RABL6: variants seen among roughly 807,000 people sequenced by gnomAD.
The protein encoded by RABL6 is RAB, member RAS oncogene family like 6, also known as rab-like protein 6.
RABL6 carries 28 observed loss-of-function variants against 72.9 expected under a neutral mutation model. That is an observed-to-expected ratio of 0.38 (90% CI 0.28 to 0.53). RABL6 has a LOEUF of 0.53. Among genes scored for constraint, RABL6 ranks in the 20% least tolerant of loss-of-function variants. The probability of loss-of-function intolerance (pLI) is 0.80; values close to 1 mark genes in which losing one functional copy is unlikely to be tolerated. For missense variants in RABL6, 1,029 were observed against 1,008.4 expected (o/e 1.02, Z -0.28); for synonymous variants, 477 against 421.2 (o/e 1.13, Z -1.62).
chr9:136,812,184 T>A (rs1223910832), intron 1 of RABL6, among the ~76,000 whole-genome samples: 1 of 152,176 alleles, frequency 6.6e-6, no homozygotes, highest in African/African-American at 2.4e-5. Context: ...TGAGCATTAT[T>A]GTGCAGCTCT....
rs757107149 is a variant in RABL6 at position 136,840,609 on chromosome 9, C to A, written c.*87C>A. ...TTTGCCTCTGTACCATCGCCTTTGC[C>A]GCTGCCCCGTGGCTGCCGTGTGCGC... On this transcript the variant is annotated 3_prime_UTR_variant, in exon 15 of 15. Transcript: ENST00000311502. 6.5e-7 allele frequency: 1 copy of A among 1,549,616 alleles called. No individual in the cohort carries two copies. The highest frequency in any genetic ancestry group is 8.7e-7 in the Non-Finnish European group (1 of 1,146,854).
At position 136,839,798 on chromosome 9, in the gene RABL6, G is replaced by A; in HGVS notation, c.1863G>A (p.Leu621=). The A allele has an allele frequency of 6.2e-7, 1 of 1,612,862 alleles. No homozygotes were observed. Among genetic ancestry groups the A allele is most frequent in the Non-Finnish European group, 8.5e-7 (1 of 1,179,830 alleles). The change falls in exon 13 of 15, where the codon CTG becomes CTA. Residue 621 remains leucine (L), a synonymous_variant. Coordinates refer to ENST00000311502, the MANE Select transcript of RABL6 (RefSeq NM_024718.5). ...PPKLPLPAFR[L]KNDSDLFGLG... ...AGCTCCCTCTCCCCGCCTTCAGACT[G>A]AAGAATGACTCGGACCTCTTCGGGC...
chr9:136,829,658 C>A (rs1564367192), intron 5 of RABL6, among the ~76,000 whole-genome samples, 174 bp downstream of exon 5: 2 of 152,216 alleles, frequency 1.3e-5, no homozygotes, highest in Non-Finnish European at 2.9e-5. Flanking sequence ...GGATGTCGGG[C>A]TGGGCAACGA....
chr9:136,809,214 T>C (rs1051672548), intron 1 of RABL6: 1 of 156,280 alleles, frequency 6.4e-6, no homozygotes, highest in Admixed American at 6.5e-5. Context: ...CATGGTAATG[T>C]AGAATTTTAA....
Position 136,840,226 on chromosome 9 carries a change from C to T in RABL6, c.1989+14C>T. 1.2e-6 allele frequency: 2 copies of T among 1,612,700 alleles called. No individual in the cohort carries two copies. Among genetic ancestry groups the T allele is most frequent in the Non-Finnish European group, 1.7e-6 (2 of 1,179,802 alleles). The stretch of plus-strand genomic sequence containing the variant: ...AAAGGCAAAGAGGTACTGGCTACTC[C>T]CCTTCCTGGCAGGCCAGGACTGGGT... On this transcript the variant is annotated intron_variant, in intron 14 of 14. Coordinates refer to ENST00000311502, the MANE Select transcript of RABL6 (RefSeq NM_024718.5).
intron 1 of RABL6, chr9:136,813,792 T>C (rs1031811881): frequency 5.2e-6 from 1 of 192,506 alleles, no homozygotes; most frequent in African/African-American, 2.4e-5. Flanking sequence ...ATTTTTTGTA[T>C]TTTTAGTAGA....
chr9:136,820,829 A>G (rs977206994), intron 1 of RABL6, among the ~76,000 whole-genome samples: 1 of 152,232 alleles, frequency 6.6e-6, no homozygotes, highest in Non-Finnish European at 1.5e-5. Flanking sequence ...TTACGAAAAG[A>G]GAAAAATATC....
Position 136,841,096 on chromosome 9 carries a change from C to A in RABL6, c.*574C>A, listed in dbSNP as rs1002205860. The A allele has an allele frequency of 1.7e-4, 235 of 1,358,152 alleles. No individual in the cohort carries two copies. The highest frequency in any genetic ancestry group is 2.1e-4 in the Non-Finnish European group (224 of 1,046,964). 84.1% of individuals were successfully genotyped at this position (1,358,152 alleles called of 1,614,324 possible). On this transcript the variant is annotated 3_prime_UTR_variant, in exon 15 of 15. Transcript: ENST00000311502. ...GTGTTTCCCACAGTGGCCTCAGCTGCGCCCCCGCTCAGGTGAGCCCGAAGG... is the reference window on the plus strand; with the variant it reads ...GTGTTTCCCACAGTGGCCTCAGCTGAGCCCCCGCTCAGGTGAGCCCGAAGG...
intron 7 of RABL6, chr9:136,834,409 A>C (rs1241357049): frequency 3.8e-5 from 38 of 987,188 alleles, no homozygotes; most frequent in Non-Finnish European, 4.6e-5. Flanking sequence ...CATTTGGTTG[A>C]CAAGTCTGTA....
intron 1 of RABL6, among the ~76,000 whole-genome samples, chr9:136,810,550 T>C: frequency 6.6e-6 from 1 of 152,248 alleles, no homozygotes; most frequent in East Asian, 1.9e-4. Flanking sequence ...TCTTTTCTTT[T>C]TTGAGACAGA....
intron 7 of RABL6, chr9:136,834,176 T>C (rs779068525): frequency 2.4e-6 from 3 of 1,265,812 alleles, no homozygotes; most frequent in African/African-American, 1.5e-5. Flanking sequence ...TCAGGCCTTC[T>C]TTATGTCACC....
At chr9:136,819,254 G>A (rs1455715245) in intron 1 of RABL6, among the ~76,000 whole-genome samples, 5 of 151,428 alleles carry the variant, frequency 3.3e-5, no homozygotes, top group African/African-American at 4.9e-5. Flanking sequence ...CCCGGGAGGC[G>A]GAGCTTGCAG....
At chr9:136,837,281 T>G in intron 8 of RABL6, 65 bp from the exon 9 acceptor site, 1 of 1,497,042 alleles carries the variant, frequency 6.7e-7, no homozygotes, top group Non-Finnish European at 9.1e-7. Flanking sequence ...GAGAGCCCCC[T>G]GTCACCTGAG....
rs1286804814 is a variant in RABL6, at chr9:136,808,338, G to A, written c.130+12G>A. On this transcript the variant is annotated intron_variant, in intron 1 of 14. Transcript: ENST00000311502. ...GGTGCAGTACAACAGTGAGTGCGGC[G>A]GGCCGGGGGGGCGCGGGAGCGCCGC... 5 of 1,505,168 alleles carry A rather than the reference G, an allele frequency of 3.3e-6. No homozygotes were observed. Among genetic ancestry groups the A allele is most frequent in the Non-Finnish European group, 4.4e-6 (5 of 1,128,950 alleles). 93.2% of individuals were successfully genotyped at this position (1,505,168 alleles called of 1,614,324 possible). A position where few individuals can be genotyped will look rare whatever the true frequency, so the allele number is the denominator to read the frequency against.
At chr9:136,817,528 G>T (rs1234457715) in intron 1 of RABL6, among the ~76,000 whole-genome samples, 3 of 151,600 alleles carry the variant, frequency 2.0e-5, no homozygotes, top group African/African-American at 4.9e-5. Context: ...GCCGACGTGG[G>T]CTGTGGGGAG....
rs1848686900 is a variant in RABL6 at position 136,840,983 on chromosome 9, A to C, written c.*461A>C. On this transcript the variant is annotated 3_prime_UTR_variant, in exon 15 of 15. Coordinates refer to ENST00000311502, the MANE Select transcript of RABL6 (RefSeq NM_024718.5). Reference sequence around the variant, plus strand: ...GGGAGCCCTGAACACGGGTGTGCAGACTCACCCTAAAGGGCGGCCCAGGCC... The same window carrying C: ...GGGAGCCCTGAACACGGGTGTGCAGCCTCACCCTAAAGGGCGGCCCAGGCC... 1 of 1,447,976 alleles carries C rather than the reference A, an allele frequency of 6.9e-7. No homozygotes were observed. Among genetic ancestry groups the C allele is most frequent in the Admixed American group, 2.8e-5 (1 of 35,650 alleles). 89.7% of individuals were successfully genotyped at this position (1,447,976 alleles called of 1,614,324 possible).
In RABL6 at chr9:136,837,024, C is replaced by T. The variant is rs932839523; in HGVS notation, c.810-322C>T. ...AAGTAGCTGGGGCTACAGGCACCCG[C>T]CACCACACCCGGCTAATTTTTTTTG... On this transcript the variant is annotated intron_variant, in intron 8 of 14. Coordinates refer to ENST00000311502, the MANE Select transcript of RABL6 (RefSeq NM_024718.5). The T allele has an allele frequency of 2.7e-4, 121 of 451,392 alleles. 1 individual carries two copies. Among genetic ancestry groups the T allele is most frequent in the Admixed American group, 6.8e-5 (2 of 29,502 alleles). The allele number at this position is 451,392 out of a possible 1,614,324, so 28.0% of individuals were successfully genotyped here.
At position 136,825,819 on chromosome 9, in the gene RABL6, A is replaced by G. The variant is rs762460674; in HGVS notation, c.306A>G (p.Val102=). 8 of 1,612,640 alleles carry G rather than the reference A, an allele frequency of 5.0e-6. No homozygotes were observed. Among genetic ancestry groups the G allele is most frequent in the African/African-American group, 1.3e-5 (1 of 74,884 alleles). The change falls in exon 3 of 15, where the codon GTA becomes GTG. Residue 102 remains valine, a synonymous_variant. Transcript: ENST00000311502. ...TGAAGGTTGAAGTCTGGGATGTAGT[A>G]GACAAAGGTGAGGCGTCTCTGTTCT... The part of the protein sequence containing the change: ...DIVKVEVWDV[V]DKGKCKKRGD...
rs377676667 is a variant in RABL6 at position 136,839,504 on chromosome 9, G to T, written c.1758+18G>T. ...GCAGGGCGGTAAGACGAGTCCTCCC[G>T]GGGCAGAGGTCAGCCAGGTGGCCAG... On this transcript the variant is annotated intron_variant, in intron 12 of 14. Coordinates refer to ENST00000311502, the MANE Select transcript of RABL6 (RefSeq NM_024718.5). The T allele has an allele frequency of 1.6e-5, 26 of 1,598,150 alleles. No individual in the cohort carries two copies. Among genetic ancestry groups the T allele is most frequent in the Non-Finnish European group, 2.1e-5 (24 of 1,170,094 alleles).
Sources: gnomAD v4.1 joint callset for allele counts (sites outside exome capture counted in the v4.1 genomes callset) on GRCh38, gnomAD v4.1.1 for gene constraint, MANE v1.5 for transcripts, NCBI Gene and HGNC (gene_info 2026-07-23, HGNC 2026-07-21) for gene names.